The following PCDHA4 variants were observed in gnomAD, a reference collection of about 807,000 sequenced individuals.
PCDHA4 encodes protocadherin alpha 4.
A neutral mutation model predicts 61.4 loss-of-function variants in PCDHA4; 49 were observed. The ratio of observed to expected loss-of-function variants is 0.80; its 90% CI spans 0.63 to 1.01. PCDHA4 has a LOEUF of 1.01. PCDHA4 is among the 50% of genes least tolerant of loss of function. The pLI, the probability that PCDHA4 is intolerant of heterozygous loss-of-function variation, is 0.00. For synonymous variants in PCDHA4, 590 were observed against 550.3 expected (o/e 1.07, Z -1.01); for missense variants, 1,254 against 1,235.8 (o/e 1.01, Z -0.22).
At chr5:140,884,794 A>G in intron 1 of PCDHA4, 1 of 1,280,100 alleles carries the variant, frequency 7.8e-7, no homozygotes, top group East Asian at 2.6e-5. Flanking sequence ...TTGTTATCGA[A>G]TTTAACAACT....
At chr5:140,841,276 T>A in intron 1 of PCDHA4, 67 of 1,485,756 alleles carry the variant, frequency 4.5e-5, no homozygotes, top group Middle Eastern at 1.8e-4. Flanking sequence ...CAGTCGTTCA[T>A]CTTTATATTA....
At chr5:140,842,910 T>C (rs1778388313) in intron 1 of PCDHA4, 1 of 1,594,510 alleles carries the variant, frequency 6.3e-7, no homozygotes, top group Non-Finnish European at 8.6e-7. Context: ...GAGCTAGAGC[T>C]GCTGCAGTTC....
intron 1 of PCDHA4, among the ~76,000 whole-genome samples, chr5:140,914,476 G>C (rs1054000684): frequency 6.6e-6 from 1 of 152,140 alleles, no homozygotes; most frequent in Non-Finnish European, 1.5e-5. Context: ...CTTCATAGGT[G>C]AAGTGTTTCT....
At chr5:141,003,122 C>A (rs782642950) in intron 3 of PCDHA4, among the ~76,000 whole-genome samples, 57 of 152,318 alleles carry the variant, frequency 3.7e-4, no homozygotes, top group African/African-American at 9.6e-4. Context: ...TGGCCCTTTC[C>A]TGGCATTTGC....
rs2150103831 is a variant in PCDHA4, at chr5:140,819,325, A to G, written c.2385+9753A>G. Among the ~76,000 whole-genome samples, 393 of 152,298 alleles carry G rather than the reference A, an allele frequency of 2.6e-3. 1 individual carries two copies. Among genetic ancestry groups the G allele is most frequent in the African/African-American group, 8.9e-3 (371 of 41,578 alleles). ...AATTTTATTCTGGGTTTTGTAAGGA[A>G]TAAAGGACATTTGTACCCTTATGAA... On this transcript the variant is annotated intron_variant, in intron 1 of 3. Coordinates refer to ENST00000530339, the MANE Select transcript of PCDHA4 (RefSeq NM_018907.4).
At chr5:140,840,247 T>C (rs1554137745) in intron 1 of PCDHA4, among the ~76,000 whole-genome samples, 1 of 152,032 alleles carries the variant, frequency 6.6e-6, no homozygotes, top group African/African-American at 2.4e-5. Context: ...CACTATGCTA[T>C]AAAAATTGTG....
chr5:141,009,315 C>G (rs1292643535), intron 3 of PCDHA4, among the ~76,000 whole-genome samples: 2 of 152,132 alleles, frequency 1.3e-5, no homozygotes, highest in Admixed American at 6.6e-5. Context: ...AAAAGCTAGC[C>G]TGGCATGGGA....
intron 1 of PCDHA4, among the ~76,000 whole-genome samples, chr5:140,894,286 A>T (rs2064400911): frequency 6.6e-6 from 1 of 151,788 alleles, no homozygotes; most frequent in African/African-American, 2.4e-5. Flanking sequence ...GTATTTTTGA[A>T]GTTTATTTTC....
chr5:140,887,769 T>A (rs1012351831), intron 1 of PCDHA4, among the ~76,000 whole-genome samples: 23 of 152,212 alleles, frequency 1.5e-4, no homozygotes, highest in African/African-American at 5.5e-4. Flanking sequence ...TATGTTACAA[T>A]GACACAGGTC....
chr5:140,889,441 C>G (rs2062226063), intron 1 of PCDHA4, among the ~76,000 whole-genome samples: 2 of 151,842 alleles, frequency 1.3e-5, no homozygotes, highest in African/African-American at 2.4e-5. Flanking sequence ...CAGGTATTTT[C>G]CTGTTTAATC....
intron 1 of PCDHA4, among the ~76,000 whole-genome samples, chr5:140,887,392 G>A (rs1484199271): frequency 1.3e-5 from 2 of 152,024 alleles, no homozygotes; most frequent in African/African-American, 2.4e-5. Context: ...CACCGCGCCC[G>A]GCTCTTTATC....
intron 1 of PCDHA4, among the ~76,000 whole-genome samples, chr5:140,900,662 G>C (rs2068213556): frequency 6.6e-6 from 1 of 152,190 alleles, no homozygotes; most frequent in South Asian, 2.1e-4. Flanking sequence ...ATGAACAATG[G>C]GAGTGCAGTT....
chr5:140,835,635 G>C, intron 1 of PCDHA4: 1 of 1,613,914 alleles, frequency 6.2e-7, no homozygotes, highest in South Asian at 1.1e-5. Context: ...CCGCGAGAGT[G>C]TGTCCGCCTA....
intron 1 of PCDHA4, chr5:140,848,264 T>G (rs1156785908): frequency 4.1e-6 from 2 of 490,594 alleles, no homozygotes; most frequent in Non-Finnish European, 7.2e-6. Context: ...GAAATTTTTA[T>G]TCATGAAATA....
At chr5:140,869,149 C>A in intron 1 of PCDHA4, 3 of 1,613,754 alleles carry the variant, frequency 1.9e-6, no homozygotes, top group Non-Finnish European at 2.5e-6. Flanking sequence ...ACGACTACAG[C>A]TCTGGCTTCT....
At chr5:140,871,729 G>T in intron 1 of PCDHA4, 2 of 714,516 alleles carry the variant, frequency 2.8e-6, no homozygotes, top group South Asian at 2.4e-5. Context: ...TTAATATTTG[G>T]TTAGCAAATC....
chr5:140,987,391 G>A (rs1277678841), intron 3 of PCDHA4, among the ~76,000 whole-genome samples: 1 of 152,140 alleles, frequency 6.6e-6, no homozygotes, highest in Non-Finnish European at 1.5e-5. Flanking sequence ...ATGCATGCAA[G>A]GAAGCCATCT....
intron 1 of PCDHA4, among the ~76,000 whole-genome samples, chr5:140,934,654 T>G (rs1178051306): frequency 6.6e-6 from 1 of 152,168 alleles, no homozygotes; most frequent in African/African-American, 2.4e-5. Flanking sequence ...AATGTTTGAT[T>G]CTTCCCCTTT....
chr5:140,967,453 C>A (rs782630345), intron 1 of PCDHA4: 1 of 1,613,556 alleles, frequency 6.2e-7, no homozygotes, highest in Non-Finnish European at 8.5e-7. Context: ...TTCTCACAGC[C>A]GTGGATGGGG....
Sources: gnomAD v4.1 joint callset for allele counts (sites outside exome capture counted in the v4.1 genomes callset) on GRCh38, gnomAD v4.1.1 for gene constraint, MANE v1.5 for transcripts, NCBI Gene and HGNC (gene_info 2026-07-23, HGNC 2026-07-21) for gene names.